RPS6KC1: variants seen among roughly 807,000 people sequenced by gnomAD.
RPS6KC1 encodes the protein inactive ribosomal protein S6 kinase delta-1.
Under a neutral mutation model 103.8 loss-of-function variants are expected in RPS6KC1, and 54 were observed. The observed-to-expected ratio is 0.52, with a 90% confidence interval of 0.42 to 0.65. The LOEUF (loss-of-function observed/expected upper bound fraction) is 0.65. Ranked by LOEUF, RPS6KC1 falls within the 30% of genes least tolerant of loss-of-function variation. The pLI, the probability that RPS6KC1 is intolerant of heterozygous loss-of-function variation, is 0.00. For synonymous variants in RPS6KC1, 439 were observed against 438.7 expected, an observed-to-expected ratio of 1.00 and a Z score of -0.01; for missense variants, 1,151 against 1,253.8, an observed-to-expected ratio of 0.92 and a Z score of 1.24.
At chr1:213,686,139 C>T in the RPS6KC1 span, among the ~76,000 whole-genome samples, 6 of 152,148 alleles carry the variant, frequency 3.9e-5, no homozygotes. Context: ...ACCAGCCCTC[C>T]CCAACAATAA....
chr1:213,611,596 T>G, the RPS6KC1 span, among the ~76,000 whole-genome samples: 1 of 152,216 alleles, frequency 6.6e-6, no homozygotes, highest in Non-Finnish European at 1.5e-5. Context: ...GGAAGAGCTA[T>G]GTCAAACAAA....
chr1:213,270,462 C>T (rs1330514702), intron 14 of RPS6KC1, among the ~76,000 whole-genome samples: 1 of 152,072 alleles, frequency 6.6e-6, no homozygotes, highest in Non-Finnish European at 1.5e-5. Flanking sequence ...CTTGTGCATT[C>T]AAAAGTCACC....
chr1:213,842,832 C>A, the RPS6KC1 span, among the ~76,000 whole-genome samples: 5 of 152,146 alleles, frequency 3.3e-5, no homozygotes, highest in Non-Finnish European at 7.4e-5. Context: ...GTTTTAGGGG[C>A]CAAGTGGTTA....
chr1:213,724,160 T>C, the RPS6KC1 span, among the ~76,000 whole-genome samples: 28 of 152,300 alleles, frequency 1.8e-4, no homozygotes, highest in Admixed American at 1.2e-3. Flanking sequence ...TGATCTCAGC[T>C]CACTGCAACC....
intron 5 of RPS6KC1, among the ~76,000 whole-genome samples, chr1:213,128,468 T>C (rs1182568054): frequency 6.6e-6 from 1 of 152,228 alleles, no homozygotes; most frequent in East Asian, 1.9e-4. Flanking sequence ...ACAATCATTT[T>C]GAAGAATATA....
chr1:213,328,564 C>G, the RPS6KC1 span, among the ~76,000 whole-genome samples: 1 of 139,294 alleles, frequency 7.2e-6, no homozygotes, highest in Non-Finnish European at 1.6e-5. Context: ...TGCACAAAGT[C>G]AGCTATATAT....
the RPS6KC1 span, among the ~76,000 whole-genome samples, chr1:213,556,033 G>A: frequency 6.6e-6 from 1 of 152,174 alleles, no homozygotes; most frequent in Non-Finnish European, 1.5e-5. Context: ...TTCACTGTTG[G>A]TGACATAATT....
At chr1:213,358,959 G>A in the RPS6KC1 span, among the ~76,000 whole-genome samples, 1 of 152,218 alleles carries the variant, frequency 6.6e-6, no homozygotes, top group Non-Finnish European at 1.5e-5. Flanking sequence ...ATTTGCTGAG[G>A]AGTGCTTTAC....
At chr1:213,580,786 TTTAA>T in the RPS6KC1 span, among the ~76,000 whole-genome samples, 2 of 152,004 alleles carry the variant, frequency 1.3e-5, no homozygotes, top group African/African-American at 4.8e-5. Flanking sequence ...TGAAGTATTG[TTTAA>T]TTAAGGTGTA....
At chr1:213,201,830 A>G (rs768342358) in intron 8 of RPS6KC1, among the ~76,000 whole-genome samples, 6 of 152,244 alleles carry the variant, frequency 3.9e-5, no homozygotes, top group Non-Finnish European at 2.9e-5. Flanking sequence ...GTGTGCCTTC[A>G]TCTAAAATTG....
the RPS6KC1 span, among the ~76,000 whole-genome samples, chr1:213,549,617 T>C: frequency 3.4e-4 from 9 of 26,804 alleles, no homozygotes; most frequent in East Asian, 7.1e-3. Context: ...TTTTCCTTTT[T>C]TTTTTTTTTT....
chr1:213,155,689 C>T (rs942223712), intron 6 of RPS6KC1, among the ~76,000 whole-genome samples: 1 of 152,056 alleles, frequency 6.6e-6, no homozygotes, highest in Non-Finnish European at 1.5e-5. Context: ...TTTTCAGTGC[C>T]CCTTTCAGTA....
rs527585757 is a variant in RPS6KC1, at chr1:213,216,219, G to A, written c.1045-14278G>A. On this transcript the variant is annotated intron_variant, in intron 8 of 14. Transcript: ENST00000366960. ...AAATGGAAAACAAAAAAAGGCAGGTGTTGCAATCCTAGTCTCTGATAAAAC... is the reference window on the plus strand; with the variant it reads ...AAATGGAAAACAAAAAAAGGCAGGTATTGCAATCCTAGTCTCTGATAAAAC... Among the ~76,000 whole-genome samples the A allele has an allele frequency of 3.9e-5, 6 of 152,274 alleles. No individual in the cohort carries two copies. The East Asian group carries it at 1.2e-3, about 29-fold the overall frequency.
At chr1:213,066,817 T>C (rs1166651100) in intron 1 of RPS6KC1, among the ~76,000 whole-genome samples, 1 of 152,198 alleles carries the variant, frequency 6.6e-6, no homozygotes, top group Non-Finnish European at 1.5e-5. Flanking sequence ...TTGGATGCAG[T>C]GATCTGGTGA....
At chr1:213,553,468 T>C in the RPS6KC1 span, among the ~76,000 whole-genome samples, 1 of 152,334 alleles carries the variant, frequency 6.6e-6, no homozygotes, top group East Asian at 1.9e-4. Flanking sequence ...GCAATAAACA[T>C]ATGCATGCAC....
the RPS6KC1 span, among the ~76,000 whole-genome samples, chr1:213,707,014 T>C: frequency 6.6e-6 from 1 of 152,212 alleles, no homozygotes; most frequent in Non-Finnish European, 1.5e-5. Context: ...AACATATGTG[T>C]ATATGTGTCT....
Position 213,266,360 on chromosome 1 carries a change from C to T in RPS6KC1, c.3090+3544C>T, listed in dbSNP as rs182324117. ...GGTTAACATCCAAGAGTGGAATTTC[C>T]TATATATTGGACTACAAATGTTGTA... On this transcript the variant is annotated intron_variant, in intron 14 of 14. Transcript: ENST00000366960. 3.1e-4 allele frequency among the ~76,000 whole-genome samples: 47 copies of T among 152,042 alleles called. 1 individual carries two copies. The East Asian group carries it at 8.1e-3, about 26-fold the overall frequency.
At chr1:213,598,976 T>G in the RPS6KC1 span, among the ~76,000 whole-genome samples, 30 of 152,100 alleles carry the variant, frequency 2.0e-4, no homozygotes, top group African/African-American at 7.2e-4. Flanking sequence ...ACATTTACAT[T>G]TCATGCCAAA....
chr1:213,591,545 CA>C, the RPS6KC1 span, among the ~76,000 whole-genome samples: 3 of 152,176 alleles, frequency 2.0e-5, no homozygotes, highest in Non-Finnish European at 2.9e-5. Context: ...AGCCTTGTGC[CA>C]GGGGCGGTCT....
Sources: allele counts gnomAD v4.1 joint callset (sites outside exome capture counted in the v4.1 genomes callset), GRCh38; gene constraint gnomAD v4.1.1; transcripts MANE v1.5; gene names NCBI Gene and HGNC (gene_info 2026-07-23, HGNC 2026-07-21).